The following FER1L6 variants were observed in gnomAD, a reference collection of about 807,000 sequenced individuals.
The protein encoded by FER1L6 is fer-1-like protein 6.
In FER1L6, 177 loss-of-function variants were observed where a neutral mutation model predicts 219.2. The observed-to-expected ratio is 0.81, with a 90% CI of 0.71 to 0.91. The LOEUF (loss-of-function observed/expected upper bound fraction) is 0.91, where lower values mean the gene tolerates loss of function less well. Among genes scored for constraint, FER1L6 ranks in the 40% least tolerant of loss-of-function variants. The probability of loss-of-function intolerance (pLI) is 0.00; values close to 1 mark genes in which losing one functional copy is unlikely to be tolerated. For missense variants in FER1L6, 2,153 were observed against 2,259.9 expected, an observed-to-expected ratio of 0.95 and a Z score of 0.96; for synonymous variants, 768 against 824.3, an observed-to-expected ratio of 0.93 and a Z score of 1.17.
At chr8:123,876,776 CTT>C (rs1252299889) in intron 1 of FER1L6, among the ~76,000 whole-genome samples, 1 of 152,124 alleles carries the variant, frequency 6.6e-6, no homozygotes, top group East Asian at 1.9e-4. Flanking sequence ...TTTATGATCT[CTT>C]TCTCTCTCTC....
At chr8:123,942,266 T>C (rs1392459936) in intron 1 of FER1L6, among the ~76,000 whole-genome samples, 2 of 152,172 alleles carry the variant, frequency 1.3e-5, no homozygotes, top group Non-Finnish European at 2.9e-5. Context: ...TCCTACACCA[T>C]TGCCAGCCCA....
chr8:124,097,094 TAC>T (rs1293037011), intron 35 of FER1L6, among the ~76,000 whole-genome samples, 175 bp from the exon 36 acceptor site: 1,368 of 8,902 alleles, frequency 0.15, 21 homozygotes, highest in African/African-American at 0.27. Context: ...TATATATATA[TAC>T]ATACATACAT....
intron 2 of FER1L6, 122 bp downstream of exon 2, chr8:123,956,196 C>G: frequency 1.1e-6 from 1 of 909,374 alleles, no homozygotes; most frequent in South Asian, 1.5e-5. Flanking sequence ...GTGCTGCCCC[C>G]GACCCTTTAG....
chr8:123,855,212 T>C (rs1369944741), intron 1 of FER1L6, among the ~76,000 whole-genome samples: 1 of 152,168 alleles, frequency 6.6e-6, no homozygotes, highest in East Asian at 1.9e-4. Context: ...CCAGGCATCA[T>C]GGGAGAGGGA....
At chr8:123,880,993 C>A (rs1023991243) in intron 1 of FER1L6, among the ~76,000 whole-genome samples, 1 of 152,180 alleles carries the variant, frequency 6.6e-6, no homozygotes, top group Non-Finnish European at 1.5e-5. Flanking sequence ...AACCCCAAAC[C>A]CTTCCCCTTG....
chr8:123,925,459 C>T (rs1188579260), intron 1 of FER1L6, among the ~76,000 whole-genome samples: 1 of 152,166 alleles, frequency 6.6e-6, no homozygotes, highest in African/African-American at 2.4e-5. Flanking sequence ...AATGATCACA[C>T]GGCCATATCA....
At chr8:123,907,592 C>T (rs1017966854) in intron 1 of FER1L6, among the ~76,000 whole-genome samples, 7 of 151,476 alleles carry the variant, frequency 4.6e-5, no homozygotes, top group African/African-American at 1.5e-4. Context: ...AAACCTCCTT[C>T]CTATGCTCAG....
chr8:124,075,252 A>ACAC (rs1821229785), intron 31 of FER1L6, among the ~76,000 whole-genome samples: 2 of 152,316 alleles, frequency 1.3e-5, no homozygotes, highest in East Asian at 3.9e-4. Flanking sequence ...GTACACAAAT[A>ACAC]TGTTCTTGAT....
chr8:124,097,258 T>C lies in FER1L6; in HGVS notation c.4696-13T>C. The C allele has an allele frequency of 6.2e-7, 1 of 1,609,424 alleles. No individual in the cohort carries two copies. Among genetic ancestry groups the C allele is most frequent in the South Asian group, 1.1e-5 (1 of 90,802 alleles). On this transcript the variant is annotated splice_polypyrimidine_tract_variant and intron_variant, in intron 35 of 40. Transcript: ENST00000522917. Reference sequence around the variant, plus strand: ...CTCCCAAAGCTAAAGAAGATATTTTTTTTCTTAACAAGGGCCGCCTGCAGA... The same window carrying C: ...CTCCCAAAGCTAAAGAAGATATTTTCTTTCTTAACAAGGGCCGCCTGCAGA...
chr8:123,987,907 C>T (rs764694919), intron 12 of FER1L6, among the ~76,000 whole-genome samples: 2 of 151,958 alleles, frequency 1.3e-5, no homozygotes, highest in African/African-American at 4.8e-5. Flanking sequence ...GTCAGGAGTT[C>T]GAGACCATGG....
At chr8:123,877,751 C>A (rs1586434969) in intron 1 of FER1L6, among the ~76,000 whole-genome samples, 1 of 147,018 alleles carries the variant, frequency 6.8e-6, no homozygotes, top group Middle Eastern at 3.5e-3. Context: ...ACTTTGGTTT[C>A]TCTACCAGTC....
chr8:124,018,816 C>A (rs1040200681), intron 16 of FER1L6, among the ~76,000 whole-genome samples: 1 of 152,226 alleles, frequency 6.6e-6, no homozygotes, highest in African/African-American at 2.4e-5. Flanking sequence ...GCACTGCCAG[C>A]TAGACTTACT....
intron 1 of FER1L6, among the ~76,000 whole-genome samples, chr8:123,914,727 G>A (rs1014118038): frequency 1.3e-5 from 2 of 152,142 alleles, no homozygotes; most frequent in Admixed American, 6.5e-5. Context: ...AAAGCTTATG[G>A]GTGTGGCCAG....
At chr8:124,051,689 A>G (rs1423593818) in intron 22 of FER1L6, among the ~76,000 whole-genome samples, 4 of 152,222 alleles carry the variant, frequency 2.6e-5, no homozygotes, top group Non-Finnish European at 5.9e-5. Context: ...TAGAATCCAG[A>G]GAGTCCCACC....
intron 1 of FER1L6, among the ~76,000 whole-genome samples, chr8:123,856,292 G>GTATATATATATATATA (rs1255382948): frequency 1.5e-5 from 1 of 67,480 alleles, no homozygotes; most frequent in Admixed American, 1.6e-4. Context: ...ATGTGTGTGT[G>GTATATATATATATATA]TATATATATA....
rs144221532 is a variant in FER1L6, at chr8:123,979,139, A to G, written c.1064-1326A>G. ...GTGTAGGCATAAAACTATTGATAAT[A>G]GTTTCCATACATGGAAACATCTAAT... On this transcript the variant is annotated intron_variant, in intron 10 of 40. Coordinates refer to ENST00000522917, the MANE Select transcript of FER1L6 (RefSeq NM_001039112.2). 2.7e-3 allele frequency among the ~76,000 whole-genome samples: 417 copies of G among 152,340 alleles called. 5 individuals are homozygous for G. The highest frequency in any genetic ancestry group is 0.016 in the South Asian group (75 of 4,826).
intron 1 of FER1L6, among the ~76,000 whole-genome samples, chr8:123,869,034 A>G (rs1816882354): frequency 6.6e-6 from 1 of 152,140 alleles, no homozygotes; most frequent in South Asian, 2.1e-4. Flanking sequence ...ACTAGATGAG[A>G]CTATGTGCTT....
rs552710956 is a variant in FER1L6 at position 123,951,000 on chromosome 8, G to A, written c.-7-4992G>A. On this transcript the variant is annotated intron_variant, in intron 1 of 40. Transcript: ENST00000522917. ...GTTGAGGTTGAGTGGAAAGGAAGTAGACGTGGATTATAAAGTGCAGCCTAT... is the reference window on the plus strand; with the variant it reads ...GTTGAGGTTGAGTGGAAAGGAAGTAAACGTGGATTATAAAGTGCAGCCTAT... 1.1e-4 allele frequency among the ~76,000 whole-genome samples: 17 copies of A among 152,354 alleles called. No homozygotes were observed. The South Asian group carries it at 3.5e-3, about 32-fold the overall frequency.
At chr8:124,026,937 G>C (rs1442700354) in intron 18 of FER1L6, among the ~76,000 whole-genome samples, 2 of 152,122 alleles carry the variant, frequency 1.3e-5, no homozygotes. Context: ...CAAGGTGTTG[G>C]CAGGGCCATG....
Sources: gnomAD v4.1 joint callset for allele counts (sites outside exome capture counted in the v4.1 genomes callset) on GRCh38, gnomAD v4.1.1 for gene constraint, MANE v1.5 for transcripts, NCBI Gene and HGNC (gene_info 2026-07-23, HGNC 2026-07-21) for gene names.